The following PCSK2 variants were observed in gnomAD, a reference collection of about 807,000 sequenced individuals.
The protein encoded by PCSK2 is neuroendocrine convertase 2.
Under a neutral mutation model 69.7 loss-of-function variants are expected in PCSK2, and 14 were observed. That is an observed-to-expected ratio of 0.20 (90% CI 0.13 to 0.31). The LOEUF (loss-of-function observed/expected upper bound fraction) is 0.31, where lower values mean the gene tolerates loss of function less well. Among genes scored for constraint, PCSK2 ranks in the 10% least tolerant of loss-of-function variants. The probability of loss-of-function intolerance (pLI) is 1.00; values close to 1 mark genes in which losing one functional copy is unlikely to be tolerated. For synonymous variants in PCSK2, 307 were observed against 320.7 expected, an observed-to-expected ratio of 0.96 and a Z score of 0.46; for missense variants, 544 against 842.5, an observed-to-expected ratio of 0.65 and a Z score of 4.39.
At chr20:17,262,921 C>T (rs1451679126) in intron 2 of PCSK2, among the ~76,000 whole-genome samples, 1 of 152,156 alleles carries the variant, frequency 6.6e-6, no homozygotes, top group Non-Finnish European at 1.5e-5. Context: ...CTAACGTTAA[C>T]TACGGTTGCA....
chr20:17,276,257 G>A (rs1988071216), intron 2 of PCSK2, among the ~76,000 whole-genome samples: 1 of 152,096 alleles, frequency 6.6e-6, no homozygotes, highest in South Asian at 2.1e-4. Context: ...ATTAAAAACA[G>A]AAGCATTTTG....
At chr20:17,433,970 CCCTCTCTCCCTCT>C (rs2032430867) in intron 7 of PCSK2, among the ~76,000 whole-genome samples, 1 of 137,518 alleles carries the variant, frequency 7.3e-6, no homozygotes, top group Non-Finnish European at 1.6e-5. Flanking sequence ...CCTACACTCT[CCCTCTCTCCCTCT>C]CCTCTCTCCC....
At chr20:17,481,156 G>A (rs1055092058) in intron 11 of PCSK2, among the ~76,000 whole-genome samples, 30 of 152,080 alleles carry the variant, frequency 2.0e-4, no homozygotes, top group African/African-American at 6.8e-4. Flanking sequence ...CAAGGCAGCT[G>A]GATCACTTGA....
intron 2 of PCSK2, among the ~76,000 whole-genome samples, chr20:17,321,609 A>G (rs1045574789): frequency 6.6e-6 from 1 of 152,224 alleles, no homozygotes; most frequent in African/African-American, 2.4e-5. Flanking sequence ...CTCTGATCCT[A>G]CAGGGAGAAA....
intron 11 of PCSK2, among the ~76,000 whole-genome samples, chr20:17,466,924 T>C (rs1470424760): frequency 6.6e-6 from 1 of 152,244 alleles, no homozygotes; most frequent in Non-Finnish European, 1.5e-5. Context: ...GCATGAGGCT[T>C]GTGAGATTCG....
chr20:17,452,490 AG>A (rs2032845325), intron 8 of PCSK2, among the ~76,000 whole-genome samples: 1 of 152,256 alleles, frequency 6.6e-6, no homozygotes, highest in South Asian at 2.1e-4. Context: ...GAGGTAATCC[AG>A]TCATCTCTCT....
intron 5 of PCSK2, among the ~76,000 whole-genome samples, chr20:17,378,442 T>A (rs1235243971): frequency 1.3e-5 from 2 of 152,172 alleles, no homozygotes; most frequent in Non-Finnish European, 2.9e-5. Context: ...CAGATTCTCA[T>A]CTCTTTGACT....
intron 7 of PCSK2, among the ~76,000 whole-genome samples, chr20:17,435,727 C>G (rs1397577047): frequency 1.3e-5 from 2 of 152,160 alleles, no homozygotes; most frequent in Admixed American, 1.3e-4. Flanking sequence ...GCACTCTAAG[C>G]TCCATGCCAC....
At chr20:17,469,719 A>G (rs960240455) in intron 11 of PCSK2, among the ~76,000 whole-genome samples, 5 of 152,156 alleles carry the variant, frequency 3.3e-5, no homozygotes, top group Admixed American at 1.3e-4. Flanking sequence ...CTGTGAGCTC[A>G]CAGTGCCATT....
chr20:17,314,794 C>T (rs530178404), intron 2 of PCSK2, among the ~76,000 whole-genome samples: 13 of 152,254 alleles, frequency 8.5e-5, no homozygotes, highest in African/African-American at 3.1e-4. Flanking sequence ...TGAATTTTCA[C>T]GTGTTGTCTT....
chr20:17,260,185 T>A, intron 1 of PCSK2, 55 bp from the exon 2 acceptor site: 2 of 1,136,260 alleles, frequency 1.8e-6, no homozygotes, highest in Non-Finnish European at 2.7e-6. Flanking sequence ...GGTGTCCCTG[T>A]CCCTGGGCCA....
intron 6 of PCSK2, among the ~76,000 whole-genome samples, chr20:17,413,550 A>G (rs1034872504): frequency 6.6e-6 from 1 of 152,226 alleles, no homozygotes; most frequent in African/African-American, 2.4e-5. Flanking sequence ...TTAGAGACCT[A>G]CAAAGAGACT....
Position 17,355,789 on chromosome 20 carries a change from T to G in PCSK2, c.283-2538T>G, listed in dbSNP as rs566388605. 4.0e-5 allele frequency among the ~76,000 whole-genome samples: 6 copies of G among 151,880 alleles called. No homozygotes were observed. In the South Asian group the frequency reaches 1.0e-3, roughly 26 times the overall value. ...TGTCACTGTGCCAACAAGGCCACAC[T>G]CCCCCCAGTGACTGCGAGCAGCAGG... On this transcript the variant is annotated intron_variant, in intron 2 of 11. Transcript: ENST00000262545.
chr20:17,268,480 G>A (rs1029605426), intron 2 of PCSK2, among the ~76,000 whole-genome samples: 3 of 151,870 alleles, frequency 2.0e-5, no homozygotes, highest in African/African-American at 7.3e-5. Flanking sequence ...AGATGAGGAA[G>A]GTATTCATGT....
intron 4 of PCSK2, among the ~76,000 whole-genome samples, chr20:17,363,411 AT>A (rs1307054073): frequency 6.6e-6 from 1 of 152,224 alleles, no homozygotes; most frequent in Non-Finnish European, 1.5e-5. Context: ...GGCAGAAATT[AT>A]TTCTTAAGGG....
intron 6 of PCSK2, among the ~76,000 whole-genome samples, chr20:17,422,300 T>C (rs2032149938): frequency 1.3e-5 from 2 of 152,174 alleles, no homozygotes; most frequent in South Asian, 4.1e-4. Flanking sequence ...GTTCTCCCTA[T>C]CATCCCTTTA....
At chr20:17,231,079 C>A (rs73258003) in intron 1 of PCSK2, among the ~76,000 whole-genome samples, 4,202 of 152,160 alleles carry the variant, frequency 0.028, 178 homozygotes, top group African/African-American at 0.094. Context: ...ATTGAAGCAA[C>A]CTGTTGAAGA....
intron 2 of PCSK2, 143 bp downstream of exon 2, chr20:17,260,487 A>G (rs917361305): frequency 3.2e-6 from 2 of 630,562 alleles, no homozygotes; most frequent in East Asian, 2.7e-5. Flanking sequence ...TTGCAGAGTC[A>G]TATCAGGGAC....
chr20:17,237,912 A>G (rs1986406191), intron 1 of PCSK2, among the ~76,000 whole-genome samples: 1 of 152,170 alleles, frequency 6.6e-6, no homozygotes, highest in Non-Finnish European at 1.5e-5. Flanking sequence ...GGGTATTTAT[A>G]CACGCATTGC....
Sources: gnomAD v4.1 joint callset for allele counts (sites outside exome capture counted in the v4.1 genomes callset) on GRCh38, gnomAD v4.1.1 for gene constraint, MANE v1.5 for transcripts, NCBI Gene and HGNC (gene_info 2026-07-23, HGNC 2026-07-21) for gene names.